The following MRPL1 variants were observed in gnomAD, a reference collection of about 807,000 sequenced individuals.
MRPL1 encodes the protein mitochondrial ribosomal protein L1.
In MRPL1, 28 loss-of-function variants were observed where a neutral mutation model predicts 38.0. The observed-to-expected ratio is 0.74, with a 90% CI of 0.55 to 1.01. MRPL1 has a LOEUF of 1.01. Among genes scored for constraint, MRPL1 ranks in the 50% least tolerant of loss-of-function variants. The pLI, the probability that MRPL1 is intolerant of heterozygous loss-of-function variation, is 0.00. For synonymous variants in MRPL1, 123 were observed against 126.7 expected (o/e 0.97, Z 0.20); for missense variants, 358 against 389.8 (o/e 0.92, Z 0.69).
intron 5 of MRPL1, among the ~76,000 whole-genome samples, chr4:77,887,819 TCA>T (rs1332996204): frequency 6.6e-6 from 1 of 152,114 alleles, no homozygotes; most frequent in African/African-American, 2.4e-5. Flanking sequence ...ACACCCAACC[TCA>T]GACAGTCTGA....
At chr4:77,917,186 T>A (rs2110251814) in intron 7 of MRPL1, among the ~76,000 whole-genome samples, 1 of 152,284 alleles carries the variant, frequency 6.6e-6, no homozygotes, top group African/African-American at 2.4e-5. Context: ...GCCCCACTCT[T>A]ATTCTCCACA....
chr4:77,893,990 G>A (rs2110240544), intron 5 of MRPL1, 149 bp from the exon 6 acceptor site: 1 of 571,936 alleles, frequency 1.7e-6, no homozygotes, highest in East Asian at 3.1e-5. Context: ...TAATTGACAG[G>A]TGTATTTGTA....
intron 2 of MRPL1, among the ~76,000 whole-genome samples, chr4:77,881,832 A>G (rs1735548990): frequency 1.3e-5 from 2 of 152,178 alleles, no homozygotes; most frequent in African/African-American, 2.4e-5. Context: ...TATCTCTGAG[A>G]AGAAAGGGCG....
intron 1 of MRPL1, among the ~76,000 whole-genome samples, chr4:77,869,691 G>A (rs1735231665): frequency 6.6e-6 from 1 of 152,058 alleles, no homozygotes; most frequent in South Asian, 2.1e-4. Context: ...CCAGGTTCAA[G>A]CGATTCTTGT....
At chr4:77,904,410 T>C (rs1736108073) in intron 6 of MRPL1, among the ~76,000 whole-genome samples, 1 of 151,352 alleles carries the variant, frequency 6.6e-6, no homozygotes. Flanking sequence ...AAAAATTAGC[T>C]CAATTTGGTG....
chr4:77,883,155 T>C, intron 2 of MRPL1, 87 bp from the exon 3 acceptor site: 3 of 849,614 alleles, frequency 3.5e-6, no homozygotes, highest in Non-Finnish European at 5.0e-6. Context: ...TCCTTTGTTT[T>C]TTTTTCTCTT....
intron 7 of MRPL1, among the ~76,000 whole-genome samples, chr4:77,923,985 G>C (rs1736648574): frequency 7.8e-6 from 1 of 128,666 alleles, no homozygotes. Flanking sequence ...TGGGAGACAG[G>C]GTAGGACTCT....
chr4:77,897,105 C>T (rs764344507), intron 6 of MRPL1, among the ~76,000 whole-genome samples: 5 of 151,856 alleles, frequency 3.3e-5, no homozygotes, highest in East Asian at 1.9e-4. Flanking sequence ...TTCCCTCTGT[C>T]GCCCAGGCTG....
chr4:77,928,005 C>A (rs975138929), intron 7 of MRPL1, among the ~76,000 whole-genome samples: 1 of 152,128 alleles, frequency 6.6e-6, no homozygotes, highest in Non-Finnish European at 1.5e-5. Context: ...AATATAAAAG[C>A]AAAGCCTTTG....
At chr4:77,881,433 T>G (rs992716205) in intron 2 of MRPL1, among the ~76,000 whole-genome samples, 1 of 151,496 alleles carries the variant, frequency 6.6e-6, no homozygotes, top group African/African-American at 2.4e-5. Context: ...TTTCCCATCT[T>G]CAATATTTAC....
In MRPL1 at chr4:77,884,344, C is replaced by T. The variant is rs539118613; in HGVS notation, c.402+844C>T. Among the ~76,000 whole-genome samples the T allele has an allele frequency of 2.0e-5, 3 of 152,194 alleles. No homozygotes were observed. In the East Asian group the frequency reaches 5.8e-4, roughly 29 times the overall value. On this transcript the variant is annotated intron_variant, in intron 3 of 8. Coordinates refer to ENST00000315567, the MANE Select transcript of MRPL1 (RefSeq NM_020236.4). ...TAAGGTTTTTCTAAAAATATTGATC[C>T]TTCAATCAGTTTTATTAGGGGAACA...
intron 5 of MRPL1, among the ~76,000 whole-genome samples, chr4:77,890,982 T>TC (rs1352902922): frequency 2.0e-5 from 3 of 152,148 alleles, no homozygotes; most frequent in Non-Finnish European, 4.4e-5. Flanking sequence ...TTTGTTTTTT[T>TC]CCCACCCCTA....
chr4:77,929,555 T>A (rs1328235211), intron 7 of MRPL1, among the ~76,000 whole-genome samples: 4 of 152,206 alleles, frequency 2.6e-5, no homozygotes, highest in Non-Finnish European at 4.4e-5. Flanking sequence ...AAGCTGCTTT[T>A]GCCTCAGAGC....
At chr4:77,863,423 A>G (rs1272786641) in intron 1 of MRPL1, among the ~76,000 whole-genome samples, 1 of 147,524 alleles carries the variant, frequency 6.8e-6, no homozygotes, top group Admixed American at 6.7e-5. Context: ...AATAATTTCA[A>G]CTTTTTGTCT....
intron 7 of MRPL1, among the ~76,000 whole-genome samples, chr4:77,930,692 A>G (rs984994347): frequency 2.6e-5 from 4 of 152,250 alleles, no homozygotes; most frequent in Non-Finnish European, 5.9e-5. Flanking sequence ...GGCAGGCTTT[A>G]TAATGGCAGG....
At chr4:77,882,520 G>C (rs976529264) in intron 2 of MRPL1, among the ~76,000 whole-genome samples, 3 of 152,072 alleles carry the variant, frequency 2.0e-5, no homozygotes, top group African/African-American at 7.2e-5. Flanking sequence ...ACAACCACCA[G>C]ATCTACTTTT....
Position 77,871,980 on chromosome 4 carries a change from C to T in MRPL1, c.143+125C>T, listed in dbSNP as rs768066146. On this transcript the variant is annotated intron_variant, in intron 2 of 8. Coordinates refer to ENST00000315567, the MANE Select transcript of MRPL1 (RefSeq NM_020236.4). ...TAAAAGTTTATTATTTCTGCTTCATCGACCTTATAGTCCTGAAGGAAAGAT... is the reference window on the plus strand; with the variant it reads ...TAAAAGTTTATTATTTCTGCTTCATTGACCTTATAGTCCTGAAGGAAAGAT... The T allele has an allele frequency of 7.6e-5, 50 of 660,814 alleles. 1 individual carries two copies. The highest frequency in any genetic ancestry group is 1.2e-4 in the Non-Finnish European group (45 of 380,148). The allele number at this position is 660,814 out of a possible 1,614,324, so 40.9% of individuals were successfully genotyped here.
chr4:77,932,337 C>T (rs1036094793), intron 7 of MRPL1, among the ~76,000 whole-genome samples: 8 of 152,116 alleles, frequency 5.3e-5, no homozygotes, highest in African/African-American at 1.4e-4. Flanking sequence ...TCTCAGCTTC[C>T]GAAGAGTTTG....
At chr4:77,925,652 G>T (rs993485937) in intron 7 of MRPL1, among the ~76,000 whole-genome samples, 14 of 149,214 alleles carry the variant, frequency 9.4e-5, no homozygotes, top group African/African-American at 3.2e-4. Context: ...TATGAGATTT[G>T]TGAGGTTTTT....
Sources: allele counts gnomAD v4.1 joint callset (sites outside exome capture counted in the v4.1 genomes callset), GRCh38; gene constraint gnomAD v4.1.1; transcripts MANE v1.5; gene names NCBI Gene and HGNC (gene_info 2026-07-23, HGNC 2026-07-21).